The following CAMK1D variants were observed in gnomAD, a reference collection of about 807,000 sequenced individuals.
CAMK1D encodes calcium/calmodulin-dependent protein kinase type 1D.
A neutral mutation model predicts 47.7 loss-of-function variants in CAMK1D; 9 were observed. That is an observed-to-expected ratio of 0.19 (90% CI 0.11 to 0.33). The LOEUF (loss-of-function observed/expected upper bound fraction) is 0.33, where lower values mean the gene tolerates loss of function less well. Ranked by LOEUF, CAMK1D falls within the 10% of genes least tolerant of loss-of-function variation. CAMK1D has a pLI of 1.00. For synonymous variants in CAMK1D, 184 were observed against 184.9 expected (o/e 0.99, Z 0.04); for missense variants, 291 against 488.7 (o/e 0.60, Z 3.81).
At chr10:12,767,211 CT>C (rs908966671) in intron 4 of CAMK1D, among the ~76,000 whole-genome samples, 1 of 152,102 alleles carries the variant, frequency 6.6e-6, no homozygotes, top group African/African-American at 2.4e-5. Flanking sequence ...GAGTTTCACT[CT>C]TTTTGCCCAG....
chr10:12,381,820 G>A (rs1838356588), intron 1 of CAMK1D, among the ~76,000 whole-genome samples: 1 of 152,136 alleles, frequency 6.6e-6, no homozygotes, highest in African/African-American at 2.4e-5. Context: ...TGTTTAATTG[G>A]TAGAAATGAT....
chr10:12,734,082 C>T (rs567051777), intron 3 of CAMK1D, among the ~76,000 whole-genome samples: 3 of 151,594 alleles, frequency 2.0e-5, no homozygotes, highest in Admixed American at 1.3e-4. Context: ...AAGCCCAGCA[C>T]GTGGGGAGTC....
intron 1 of CAMK1D, among the ~76,000 whole-genome samples, chr10:12,354,925 T>C (rs1217959509): frequency 6.7e-6 from 1 of 149,928 alleles, no homozygotes; most frequent in Admixed American, 6.8e-5. Flanking sequence ...CACTGCAGCC[T>C]CACACTCCTG....
chr10:12,647,329 A>G (rs368694641), intron 2 of CAMK1D, among the ~76,000 whole-genome samples: 16 of 150,908 alleles, frequency 1.1e-4, no homozygotes, highest in African/African-American at 3.9e-4. Context: ...TTGTATTTTT[A>G]GTAGAGACTA....
chr10:12,377,933 A>G (rs949388571), intron 1 of CAMK1D, among the ~76,000 whole-genome samples: 2 of 152,246 alleles, frequency 1.3e-5, no homozygotes, highest in African/African-American at 4.8e-5. Flanking sequence ...TATATCTTGC[A>G]TTAGGTTAAC....
At chr10:12,522,682 C>T (rs1159229100) in intron 1 of CAMK1D, among the ~76,000 whole-genome samples, 19 of 151,902 alleles carry the variant, frequency 1.3e-4, no homozygotes, top group Non-Finnish European at 5.9e-5. Context: ...CCGCCATTGT[C>T]ATCATGGCCC....
At chr10:12,412,423 A>G (rs1379619324) in intron 1 of CAMK1D, among the ~76,000 whole-genome samples, 1 of 147,990 alleles carries the variant, frequency 6.8e-6, no homozygotes, top group African/African-American at 2.5e-5. Context: ...CAGCCTGGCC[A>G]ACATGGCAAA....
chr10:12,544,813 AG>A (rs1368222187), intron 1 of CAMK1D, among the ~76,000 whole-genome samples: 1 of 115,770 alleles, frequency 8.6e-6, no homozygotes, highest in Non-Finnish European at 1.9e-5. Context: ...ACTAGTGTTG[AG>A]TGGATAGTAC....
At chr10:12,632,428 A>AGTTGAGTG (rs1839406444) in intron 2 of CAMK1D, among the ~76,000 whole-genome samples, 1 of 152,232 alleles carries the variant, frequency 6.6e-6, no homozygotes, top group Non-Finnish European at 1.5e-5. Flanking sequence ...GAGTGGCAGA[A>AGTTGAGTG]CAGCTGATAG....
chr10:12,825,450 A>G, intron 9 of CAMK1D, 123 bp from the exon 10 acceptor site: 2 of 870,882 alleles, frequency 2.3e-6, no homozygotes, highest in South Asian at 3.9e-5. Context: ...CTTCTTGAGT[A>G]GCATGAGAAT....
chr10:12,622,315 C>T (rs1286611513), intron 2 of CAMK1D, among the ~76,000 whole-genome samples: 3 of 152,244 alleles, frequency 2.0e-5, no homozygotes, highest in East Asian at 3.9e-4. Context: ...CCCCTGGTCA[C>T]TGGGCTAGAG....
chr10:12,489,620 A>G (rs10906157), intron 1 of CAMK1D, among the ~76,000 whole-genome samples: 28,707 of 152,048 alleles, frequency 0.19, 3,013 homozygotes, highest in East Asian at 0.48. Flanking sequence ...CTCCCTGCTT[A>G]CTTCTGTGCA....
At chr10:12,605,461 T>G (rs1325424526) in intron 2 of CAMK1D, among the ~76,000 whole-genome samples, 3 of 151,832 alleles carry the variant, frequency 2.0e-5, no homozygotes, top group African/African-American at 7.3e-5. Context: ...CGTGCCATCT[T>G]CCAAAAGCAT....
chr10:12,399,393 A>T (rs1243808418), intron 1 of CAMK1D, among the ~76,000 whole-genome samples: 2 of 152,126 alleles, frequency 1.3e-5, no homozygotes, highest in African/African-American at 4.8e-5. Context: ...AATCCCAGCT[A>T]CTTGGGAGGC....
intron 1 of CAMK1D, among the ~76,000 whole-genome samples, chr10:12,454,189 G>A (rs2132038635): frequency 6.6e-6 from 1 of 152,290 alleles, no homozygotes; most frequent in South Asian, 2.1e-4. Flanking sequence ...TCGCGATGGA[G>A]TCTCGCTCTG....
At chr10:12,360,800 T>G (rs1224192142) in intron 1 of CAMK1D, among the ~76,000 whole-genome samples, 1 of 152,078 alleles carries the variant, frequency 6.6e-6, no homozygotes, top group Non-Finnish European at 1.5e-5. Flanking sequence ...TATTGCCAAA[T>G]TGGGCCCTAA....
At chr10:12,657,427 A>AAAACAAATAAATAAAT (rs1840149128) in intron 2 of CAMK1D, among the ~76,000 whole-genome samples, 2 of 146,712 alleles carry the variant, frequency 1.4e-5, no homozygotes, top group Non-Finnish European at 3.0e-5. Context: ...CTGTCTCATA[A>AAAACAAATAAATAAAT]AAATAAATAA....
intron 1 of CAMK1D, among the ~76,000 whole-genome samples, chr10:12,499,953 G>A (rs1350277427): frequency 6.6e-6 from 1 of 152,168 alleles, no homozygotes; most frequent in Non-Finnish European, 1.5e-5. Flanking sequence ...CATAGTCTTT[G>A]GGTCTGTGGA....
intron 2 of CAMK1D, among the ~76,000 whole-genome samples, chr10:12,655,832 A>G (rs1398072559): frequency 1.3e-5 from 2 of 152,338 alleles, no homozygotes; most frequent in African/African-American, 2.4e-5. Flanking sequence ...TCATGTCTCA[A>G]GAAAATTCTG....
Sources: gnomAD v4.1 joint callset for allele counts (sites outside exome capture counted in the v4.1 genomes callset) on GRCh38, gnomAD v4.1.1 for gene constraint, MANE v1.5 for transcripts, NCBI Gene and HGNC (gene_info 2026-07-23, HGNC 2026-07-21) for gene names.